Variants in SCPEP1 observed in about 807,000 individuals in gnomAD.
The protein encoded by SCPEP1 is retinoid-inducible serine carboxypeptidase.
Under a neutral mutation model 63.8 loss-of-function variants are expected in SCPEP1, and 51 were observed. That is an observed-to-expected ratio of 0.80 (90% CI 0.64 to 1.01). The LOEUF (loss-of-function observed/expected upper bound fraction) is 1.01. Ranked by LOEUF, SCPEP1 falls within the 50% of genes least tolerant of loss-of-function variation. SCPEP1 has a pLI of 0.00. For synonymous variants in SCPEP1, 204 were observed against 207.8 expected, an observed-to-expected ratio of 0.98 and a Z score of 0.16; for missense variants, 499 against 554.9, an observed-to-expected ratio of 0.90 and a Z score of 1.01.
intron 2 of SCPEP1, chr17:56,985,075 A>G (rs996556012): frequency 1.1e-5 from 4 of 374,066 alleles, no homozygotes; most frequent in African/African-American, 8.3e-5. Flanking sequence ...ACTGCACTCC[A>G]ACCTGGGTGA....
At chr17:56,979,239 T>C (rs182128675) in intron 1 of SCPEP1, among the ~76,000 whole-genome samples, 1 of 152,256 alleles carries the variant, frequency 6.6e-6, no homozygotes, top group African/African-American at 2.4e-5. Flanking sequence ...TCTTCCTACT[T>C]CAGCATCCCA....
rs544854646 is a variant in SCPEP1, at chr17:56,987,648, G to C, written c.316-47G>C. ...AGAAAATGATCCAAAGATGATTGGT[G>C]ACCAAATGTCTGATTGCAACATTTC... On this transcript the variant is annotated intron_variant, in intron 3 of 12. Coordinates refer to ENST00000262288, the MANE Select transcript of SCPEP1 (RefSeq NM_021626.3). 4.1e-5 allele frequency: 65 copies of C among 1,588,168 alleles called. 2 individuals are homozygous for C. The South Asian group carries it at 7.3e-4, about 18-fold the overall frequency.
chr17:56,983,580 C>T (rs534819419), intron 2 of SCPEP1: 33 of 152,310 alleles, frequency 2.2e-4, no homozygotes, highest in African/African-American at 7.5e-4. Context: ...ATTTGGGGGA[C>T]GTTTGAGTTG....
intron 6 of SCPEP1, among the ~76,000 whole-genome samples, chr17:56,993,816 A>T (rs780262692): frequency 5.9e-5 from 9 of 152,218 alleles, no homozygotes; most frequent in Admixed American, 5.9e-4. Context: ...TTCAACCGAG[A>T]TAGGCTGGCC....
chr17:56,978,382 T>C (rs1304803964), intron 1 of SCPEP1, 147 bp downstream of exon 1: 35 of 343,452 alleles, frequency 1.0e-4, no homozygotes, highest in South Asian at 6.0e-4. Context: ...ATCTCACTCT[T>C]TTTTTTTTTT....
chr17:57,004,424 G>A (rs1005859133), intron 12 of SCPEP1, among the ~76,000 whole-genome samples: 3 of 152,142 alleles, frequency 2.0e-5, no homozygotes, highest in African/African-American at 7.2e-5. Context: ...GGGCACAGAG[G>A]GAGAGGGCAT....
chr17:56,994,803 A>T (rs1911497307), intron 6 of SCPEP1, 178 bp from the exon 7 acceptor site: 1 of 546,086 alleles, frequency 1.8e-6, no homozygotes, highest in Admixed American at 2.9e-5. Context: ...CACCTTCCAG[A>T]CACTGAGACA....
chr17:56,991,445 T>C (rs1911395385), intron 6 of SCPEP1, among the ~76,000 whole-genome samples: 2 of 152,186 alleles, frequency 1.3e-5, no homozygotes, highest in Admixed American at 1.3e-4. Context: ...AGAAATGTGC[T>C]ATCTGCCACG....
chr17:56,985,699 C>T (rs932469937), intron 3 of SCPEP1, among the ~76,000 whole-genome samples: 1 of 152,096 alleles, frequency 6.6e-6, no homozygotes, highest in Admixed American at 6.5e-5. Context: ...AAAACAACCC[C>T]TCTCTCCAGC....
chr17:57,002,578 A>G (rs1911771807), intron 12 of SCPEP1, among the ~76,000 whole-genome samples: 1 of 152,184 alleles, frequency 6.6e-6, no homozygotes, highest in African/African-American at 2.4e-5. Flanking sequence ...GTGGTAGCAC[A>G]TGTCTGTAAT....
In SCPEP1 at chr17:56,981,183, A is replaced by T. The variant is rs1911056988; in HGVS notation, c.178A>T (p.Asn60Tyr). Residue 60 changes from asparagine to tyrosine, a missense_variant, in exon 2 of 13, where the codon AAC becomes TAC. Asn to Tyr is a moderately radical substitution (Grantham distance 143, BLOSUM62 -2). Transcript: ENST00000262288. ...GTTCTGGTGGCTCTATTATGCCACC[A>T]ACTCCTGCAAGAACTTCTCAGAACT... ...YMFWWLYYATNSCKNFSELPL... is the reference protein window; with the variant it reads ...YMFWWLYYATYSCKNFSELPL... 6.2e-7 allele frequency: 1 copy of T among 1,614,056 alleles called. No homozygotes were observed. Among genetic ancestry groups the T allele is most frequent in the African/African-American group, 1.3e-5 (1 of 74,910 alleles).
chr17:57,005,889 A>G (rs1389592907), intron 12 of SCPEP1, among the ~76,000 whole-genome samples: 1 of 152,170 alleles, frequency 6.6e-6, no homozygotes, highest in East Asian at 1.9e-4. Flanking sequence ...GACCCTTACC[A>G]AGAAATCAAC....
chr17:57,001,943 C>A, intron 11 of SCPEP1, 75 bp from the exon 12 acceptor site: 1 of 1,503,400 alleles, frequency 6.7e-7, no homozygotes. Context: ...GAAGCACCAA[C>A]TTTTAGGACC....
intron 12 of SCPEP1, among the ~76,000 whole-genome samples, chr17:57,002,643 G>T (rs569182129): frequency 2.6e-5 from 4 of 152,210 alleles, no homozygotes; most frequent in African/African-American, 9.6e-5. Context: ...GGAGGTGGAG[G>T]CTGCAGTGAG....
At chr17:57,002,814 A>G (rs1399098241) in intron 12 of SCPEP1, among the ~76,000 whole-genome samples, 3 of 150,012 alleles carry the variant, frequency 2.0e-5, no homozygotes, top group Non-Finnish European at 3.0e-5. Flanking sequence ...GTTAGAAGCT[A>G]TAGTGAGCCA....
chr17:56,991,289 G>C, intron 6 of SCPEP1, 118 bp downstream of exon 6: 1 of 823,804 alleles, frequency 1.2e-6, no homozygotes, highest in East Asian at 2.4e-5. Flanking sequence ...GGCCCTTAGA[G>C]AAAGTGTTTG....
chr17:56,987,983 T>A (rs2144483881), intron 4 of SCPEP1, 133 bp downstream of exon 4: 2 of 1,058,810 alleles, frequency 1.9e-6, no homozygotes, highest in East Asian at 2.6e-5. Flanking sequence ...TTCCCAAGAT[T>A]GGGTTGTGGA....
intron 1 of SCPEP1, among the ~76,000 whole-genome samples, chr17:56,980,788 CAAAAAAA>C (rs10716600): frequency 1.3e-4 from 10 of 77,138 alleles, no homozygotes; most frequent in Admixed American, 6.3e-4. Context: ...GACTTCGTAT[CAAAAAAA>C]AAAAAAAAAA....
At position 56,986,991 on chromosome 17, in the gene SCPEP1, C is replaced by T. The variant is rs374895646; in HGVS notation, c.316-704C>T. 2.0e-5 allele frequency: 3 copies of T among 152,342 alleles called. 1 individual carries two copies. The highest frequency in any genetic ancestry group is 7.2e-5 in the African/African-American group (3 of 41,444). 9.4% of individuals were successfully genotyped at this position (152,342 alleles called of 1,614,324 possible). A position where few individuals can be genotyped will look rare whatever the true frequency, so the allele number is the denominator to read the frequency against. ...AGTCATCCCCTACCTCCACTCCCCA[C>T]CCCCATTGTCCCCAAGCCTCCTAGA... On this transcript the variant is annotated intron_variant, in intron 3 of 12. Transcript: ENST00000262288.
Sources: allele counts gnomAD v4.1 joint callset (sites outside exome capture counted in the v4.1 genomes callset), GRCh38; gene constraint gnomAD v4.1.1; transcripts MANE v1.5; gene names NCBI Gene and HGNC (gene_info 2026-07-23, HGNC 2026-07-21).